Variants in PDE7B observed in about 807,000 individuals in gnomAD.
PDE7B encodes phosphodiesterase 7B.
Under a neutral mutation model 56.2 loss-of-function variants are expected in PDE7B, and 29 were observed. That is an observed-to-expected ratio of 0.52 (90% confidence interval 0.38 to 0.70). The LOEUF is 0.70. Among genes scored for constraint, PDE7B ranks in the 30% least tolerant of loss-of-function variants. The pLI, the probability that PDE7B is intolerant of heterozygous loss-of-function variation, is 0.00. For synonymous variants in PDE7B, 197 were observed against 196.9 expected (o/e 1.00, Z 0.00); for missense variants, 490 against 565.0 (o/e 0.87, Z 1.35).
chr6:135,901,000 A>G (rs954381925), intron 1 of PDE7B, among the ~76,000 whole-genome samples: 1 of 152,156 alleles, frequency 6.6e-6, no homozygotes, highest in Admixed American at 6.6e-5. Context: ...TGTTTTCCCC[A>G]AAGAGTTTTG....
intron 1 of PDE7B, among the ~76,000 whole-genome samples, chr6:135,901,653 C>G (rs1776002425): frequency 6.6e-6 from 1 of 152,040 alleles, no homozygotes; most frequent in Non-Finnish European, 1.5e-5. Flanking sequence ...GGCAGCACAC[C>G]CCAGGGAGCA....
chr6:135,924,754 A>C (rs1334088283), intron 1 of PDE7B, among the ~76,000 whole-genome samples: 1 of 149,958 alleles, frequency 6.7e-6, no homozygotes, highest in African/African-American at 2.5e-5. Context: ...AGTACTATAT[A>C]GTTTTTAATG....
intron 2 of PDE7B, among the ~76,000 whole-genome samples, chr6:135,974,320 ATG>A (rs966352902): frequency 8.5e-4 from 116 of 137,222 alleles, no homozygotes; most frequent in African/African-American, 2.7e-3. Context: ...AAATGTGTGT[ATG>A]TGTGTGTGTA....
At chr6:136,109,195 G>A (rs1402331932) in intron 3 of PDE7B, among the ~76,000 whole-genome samples, 1 of 152,150 alleles carries the variant, frequency 6.6e-6, no homozygotes, top group South Asian at 2.1e-4. Flanking sequence ...AAATTAGCTG[G>A]GTATGGTGGC....
In PDE7B at chr6:135,906,810, G is replaced by GTTTTTT. The variant is rs869049424; in HGVS notation, c.22-40633_22-40628dup. Among the ~76,000 whole-genome samples, 35 of 59,532 alleles carry GTTTTTT rather than the reference G, an allele frequency of 5.9e-4. 4 individuals are homozygous for GTTTTTT. The highest frequency in any genetic ancestry group is 2.7e-3 in the East Asian group (5 of 1,858). The allele number at this position is 59,532 out of a possible 152,430, so 39.1% of individuals were successfully genotyped here. A position where few individuals can be genotyped will look rare whatever the true frequency, so the allele number is the denominator to read the frequency against. ...TTTGACTCAAATGTTAATGAGGTTT[G>GTTTTTT]TTTTTTTTTTTTTTTTTTTTTTTTT... On this transcript the variant is annotated intron_variant, in intron 1 of 12. Coordinates refer to ENST00000308191, the MANE Select transcript of PDE7B (RefSeq NM_018945.4).
intron 1 of PDE7B, among the ~76,000 whole-genome samples, chr6:135,856,912 T>C (rs1775040274): frequency 6.6e-6 from 1 of 152,148 alleles, no homozygotes; most frequent in South Asian, 2.1e-4. Context: ...AATATACCAG[T>C]AAAGAAACTT....
chr6:136,182,216 G>A (rs1273944642), intron 11 of PDE7B, among the ~76,000 whole-genome samples: 1 of 152,168 alleles, frequency 6.6e-6, no homozygotes, highest in Non-Finnish European at 1.5e-5. Context: ...AATTGATTGA[G>A]CTCATGTGGG....
intron 2 of PDE7B, among the ~76,000 whole-genome samples, chr6:136,024,489 T>C (rs1349332378): frequency 6.6e-6 from 1 of 152,172 alleles, no homozygotes; most frequent in African/African-American, 2.4e-5. Context: ...ACCTTTACTA[T>C]GTGTTTCCCT....
intron 2 of PDE7B, among the ~76,000 whole-genome samples, chr6:136,005,342 A>G (rs1383641315): frequency 6.6e-6 from 1 of 152,212 alleles, no homozygotes; most frequent in Non-Finnish European, 1.5e-5. Context: ...ACAAAAGCCA[A>G]AATTGACAAA....
intron 2 of PDE7B, among the ~76,000 whole-genome samples, chr6:136,080,631 G>A (rs537613913): frequency 2.0e-5 from 3 of 152,222 alleles, no homozygotes; most frequent in African/African-American, 7.2e-5. Context: ...ATACCCATTC[G>A]ACATGGAGAT....
Position 135,862,025 on chromosome 6 carries a change from T to G in PDE7B, c.21+10006T>G, listed in dbSNP as rs979041099. Among the ~76,000 whole-genome samples, 18 of 152,016 alleles carry G rather than the reference T, an allele frequency of 1.2e-4. No individual in the cohort carries two copies. The South Asian group carries it at 1.2e-3, about 10-fold the overall frequency. ...ATACATTATCTATGGATTATTTTGC[T>G]TTTCCATAGAGGTAATCAGAGCATC... On this transcript the variant is annotated intron_variant, in intron 1 of 12. Transcript: ENST00000308191.
chr6:135,973,142 C>T (rs919745662), intron 2 of PDE7B, among the ~76,000 whole-genome samples: 2 of 150,980 alleles, frequency 1.3e-5, no homozygotes, highest in Non-Finnish European at 2.9e-5. Context: ...TTCCCTTCCC[C>T]GTACACCATG....
At chr6:135,916,019 G>A (rs1773926140) in intron 1 of PDE7B, among the ~76,000 whole-genome samples, 1 of 152,178 alleles carries the variant, frequency 6.6e-6, no homozygotes, top group Admixed American at 6.5e-5. Context: ...AAACATTTTT[G>A]TGCAAGGATT....
chr6:135,856,753 A>G (rs1775036190), intron 1 of PDE7B, among the ~76,000 whole-genome samples: 1 of 152,240 alleles, frequency 6.6e-6, no homozygotes, highest in South Asian at 2.1e-4. Context: ...ACAACGTAAC[A>G]GAAAACACAC....
chr6:136,167,917 A>G (rs568144825), intron 8 of PDE7B, among the ~76,000 whole-genome samples: 1 of 152,200 alleles, frequency 6.6e-6, no homozygotes, highest in Non-Finnish European at 1.5e-5. Context: ...ACTGAGTTTA[A>G]TAGGACACAG....
intron 1 of PDE7B, among the ~76,000 whole-genome samples, chr6:135,893,106 TG>T: frequency 6.6e-6 from 1 of 152,170 alleles, no homozygotes; most frequent in African/African-American, 2.4e-5. Context: ...CTAGGGTACA[TG>T]TGCACAACGT....
At chr6:135,953,917 A>G (rs187516550) in intron 2 of PDE7B, among the ~76,000 whole-genome samples, 2 of 152,190 alleles carry the variant, frequency 1.3e-5, no homozygotes, top group Admixed American at 6.6e-5. Context: ...TTTAACTTAC[A>G]CTTTCAAAGC....
chr6:136,142,481 C>T (rs1778343997), intron 3 of PDE7B, among the ~76,000 whole-genome samples: 1 of 152,154 alleles, frequency 6.6e-6, no homozygotes, highest in Admixed American at 6.6e-5. Context: ...CCTCTTGGTG[C>T]AGAGCTGAGT....
At chr6:135,994,155 TGTG>T (rs1775523213) in intron 2 of PDE7B, among the ~76,000 whole-genome samples, 2 of 143,278 alleles carry the variant, frequency 1.4e-5, no homozygotes, top group African/African-American at 5.6e-5. Context: ...TGTGTGTGTG[TGTG>T]TGTGTGTTTT....
Sources: allele counts gnomAD v4.1 joint callset (sites outside exome capture counted in the v4.1 genomes callset), GRCh38; gene constraint gnomAD v4.1.1; transcripts MANE v1.5; gene names NCBI Gene and HGNC (gene_info 2026-07-23, HGNC 2026-07-21).